The following IL17RE variants were observed in gnomAD, a reference collection of about 807,000 sequenced individuals.
IL17RE encodes interleukin 17 receptor E.
Under a neutral mutation model 70.7 loss-of-function variants are expected in IL17RE, and 47 were observed. The observed-to-expected ratio is 0.67, with a 90% CI of 0.53 to 0.85. IL17RE has a LOEUF of 0.85. Among genes scored for constraint, IL17RE ranks in the 40% least tolerant of loss-of-function variants. The pLI, the probability that IL17RE is intolerant of heterozygous loss-of-function variation, is 0.00. For missense variants in IL17RE, 850 were observed against 893.9 expected (o/e 0.95, Z 0.63); for synonymous variants, 372 against 381.2 (o/e 0.98, Z 0.28).
chr3:9,903,055 C>T lies in IL17RE; in HGVS notation c.123C>T (p.Ala41=). 6.2e-7 allele frequency: 1 copy of T among 1,613,922 alleles called. No homozygotes were observed. Among genetic ancestry groups the T allele is most frequent in the Non-Finnish European group, 8.5e-7 (1 of 1,179,790 alleles). The change falls in exon 1 of 16, where the codon GCC becomes GCT. Residue 41 remains alanine (A), a synonymous_variant. Coordinates refer to ENST00000383814, the MANE Select transcript of IL17RE (RefSeq NM_153480.2). ...ACTGGAACACCCGCTGTCCTCTGGC[C>T]TCCCACACGGTAAGGTGCTGCTGCC... is the stretch of plus-strand genomic sequence containing the variant. ...LPHWNTRCPL[A]SHTDDSFTGS... is the part of the protein sequence containing the mutation.
intron 2 of IL17RE, among the ~76,000 whole-genome samples, chr3:9,903,761 A>G (rs886235600): frequency 6.6e-6 from 1 of 152,206 alleles, no homozygotes; most frequent in African/African-American, 2.4e-5. Context: ...TCCTCCCCTT[A>G]ACTGATCCCT....
At chr3:9,904,779 C>T (rs2082713675) in intron 3 of IL17RE, among the ~76,000 whole-genome samples, 1 of 151,676 alleles carries the variant, frequency 6.6e-6, no homozygotes, top group South Asian at 2.1e-4. Context: ...AAGAGCAAAA[C>T]TCCATCTCCA....
intron 1 of IL17RE, 55 bp downstream of exon 1, chr3:9,903,119 C>T (rs954911767): frequency 1.3e-6 from 2 of 1,483,166 alleles, no homozygotes. Flanking sequence ...TAAAGCTCCC[C>T]ACTCCCCTGC....
Position 9,908,259 on chromosome 3 carries a change from C to T in IL17RE, c.687C>T (p.His229=). Residue 229 remains histidine (H), a synonymous_variant, in exon 7 of 16, where the codon CAC becomes CAT. Coordinates refer to ENST00000383814, the MANE Select transcript of IL17RE (RefSeq NM_153480.2). The stretch of plus-strand genomic sequence containing the variant: ...CACAGAAAATTGTGTCTGGGGGCCA[C>T]ACTGTAGAGCTGCCTTATGAATTCC... The part of the protein sequence containing the change: ...YDVQKIVSGG[H]TVELPYEFLL... 1.2e-6 allele frequency: 2 copies of T among 1,614,194 alleles called. No individual in the cohort carries two copies. The highest frequency in any genetic ancestry group is 8.5e-7 in the Non-Finnish European group (1 of 1,180,014).
At position 9,913,961 on chromosome 3, in the gene IL17RE, G is replaced by A; in HGVS notation, c.1233G>A (p.Arg411=). 1 of 1,614,006 alleles carries A rather than the reference G, an allele frequency of 6.2e-7. No homozygotes were observed. Among genetic ancestry groups the A allele is most frequent in the South Asian group, 1.1e-5 (1 of 91,072 alleles). ...TCTGCTCTTTGTTTCTACAGGCCCGGGGCTCAAGCCCAGTGTCACTAGACC... is the reference window on the plus strand; with the variant it reads ...TCTGCTCTTTGTTTCTACAGGCCCGAGGCTCAAGCCCAGTGTCACTAGACC... The part of the protein sequence containing the change: ...VPPVYTVSQA[R]GSSPVSLDLI... Residue 411 remains arginine, a synonymous_variant, in exon 13 of 16, where the codon CGG becomes CGA. Coordinates refer to ENST00000383814, the MANE Select transcript of IL17RE (RefSeq NM_153480.2).
Position 9,915,305 on chromosome 3 carries a change from A to G in IL17RE, c.1502A>G (p.Gln501Arg). Residue 501 changes from glutamine (Q) to arginine (R), a missense_variant, in exon 16 of 16, where the codon CAG becomes CGG. Gln to Arg is a conservative substitution (Grantham distance 43). Coordinates refer to ENST00000383814, the MANE Select transcript of IL17RE (RefSeq NM_153480.2). The surrounding 1 kb of genome is among the most constrained non-coding windows in gnomAD (Gnocchi z 4.9). ...LLLHAADSEA[Q>R]RRLVGALAEL... is the part of the protein sequence containing the mutation. ...CTGCACGCGGCGGACTCGGAGGCGCAGCGGCGCCTGGTGGGAGCGCTGGCT... is the reference window on the plus strand; with the variant it reads ...CTGCACGCGGCGGACTCGGAGGCGCGGCGGCGCCTGGTGGGAGCGCTGGCT... The G allele has an allele frequency of 7.2e-7, 1 of 1,395,540 alleles. No individual in the cohort carries two copies. The allele number at this position is 1,395,540 out of a possible 1,614,324, so 86.4% of individuals were successfully genotyped here.
At chr3:9,903,443 C>G in intron 2 of IL17RE, 31 bp downstream of exon 2, 1 of 1,613,104 alleles carries the variant, frequency 6.2e-7, no homozygotes. Flanking sequence ...CATTGCTCCT[C>G]CCCACGCCCA....
chr3:9,904,063 G>A lies in IL17RE; in HGVS notation c.180G>A (p.Trp60Ter). ...CTGCCTATATCCCTTGCCGCACCTG[G>A]TGGGCCCTCTTCTCCACAAAGCCTT... ...GSSAYIPCRT[W>*]WALFSTKPWC... is the part of the protein sequence containing the mutation. The change falls in exon 3 of 16, where the codon TGG becomes TGA. Residue 60 changes from tryptophan to a stop codon, truncating the protein, a stop_gained. Transcript: ENST00000383814. LOFTEE classifies it high-confidence loss of function. 1.2e-6 allele frequency: 2 copies of A among 1,614,120 alleles called. No individual in the cohort carries two copies. The highest frequency in any genetic ancestry group is 1.7e-6 in the Non-Finnish European group (2 of 1,180,018).
At chr3:9,911,791 T>TTTTTTTTC (rs1217656125) in intron 12 of IL17RE, 194 bp downstream of exon 12, 2 of 488,208 alleles carry the variant, frequency 4.1e-6, no homozygotes, top group Non-Finnish European at 7.1e-6. Flanking sequence ...GAGCATTTTC[T>TTTTTTTTC]TTTTTTTCTT....
At chr3:9,911,072 G>T in intron 9 of IL17RE, 32 bp downstream of exon 9, 1 of 1,614,070 alleles carries the variant, frequency 6.2e-7, no homozygotes, top group Non-Finnish European at 8.5e-7. Context: ...ACCAGGGTGG[G>T]CAGGGCTGGG....
chr3:9,914,211 G>C (rs560332794), intron 13 of IL17RE, among the ~76,000 whole-genome samples, 187 bp downstream of exon 13: 1 of 152,338 alleles, frequency 6.6e-6, no homozygotes, highest in African/African-American at 2.4e-5. Flanking sequence ...TGAAAAATCA[G>C]AAAAACCTAG....
rs1385981606 is a variant in IL17RE, at chr3:9,911,297, A to C, written c.1069A>C (p.Thr357Pro). 3 of 1,613,988 alleles carry C rather than the reference A, an allele frequency of 1.9e-6. No individual in the cohort carries two copies. Among genetic ancestry groups the C allele is most frequent in the Non-Finnish European group, 2.5e-6 (3 of 1,179,976 alleles). ...NSSHVECPHQ[T>P]GSLTSWNVSM... is the part of the protein sequence containing the mutation. ...CAGCCATGTTGAATGCCCCCACCAGACTGGTGAGTCAATAAGTGACCTCTG... is the reference window on the plus strand; with the variant it reads ...CAGCCATGTTGAATGCCCCCACCAGCCTGGTGAGTCAATAAGTGACCTCTG... Residue 357 changes from threonine (T) to proline (P), a missense_variant, in exon 11 of 16, where the codon ACT becomes CCT. Coordinates refer to ENST00000383814, the MANE Select transcript of IL17RE (RefSeq NM_153480.2).
At chr3:9,903,989 CT>C in intron 2 of IL17RE, 42 bp from the exon 3 acceptor site, 1 of 1,605,452 alleles carries the variant, frequency 6.2e-7, no homozygotes, top group Non-Finnish European at 8.5e-7. Context: ...TAGGAGGGAC[CT>C]TCTTAGACCC....
Position 9,911,436 on chromosome 3 carries a change from C to T in IL17RE, c.1073-7C>T. ...TCCTATCAACACCCCCACCCCGCCC[C>T]AAACAGGGTCTCTCACATCCTGGAA... On this transcript the variant is annotated splice_polypyrimidine_tract_variant and splice_region_variant and intron_variant, in intron 11 of 15. Coordinates refer to ENST00000383814, the MANE Select transcript of IL17RE (RefSeq NM_153480.2). 6.2e-7 allele frequency: 1 copy of T among 1,613,974 alleles called. No homozygotes were observed. Among genetic ancestry groups the T allele is most frequent in the South Asian group, 1.1e-5 (1 of 91,078 alleles).
At position 9,906,418 on chromosome 3, in the gene IL17RE, C is replaced by T; in HGVS notation, c.323C>T (p.Thr108Ile). The change falls in exon 4 of 16, where the codon ACA becomes ATA. Residue 108 changes from threonine (T) to isoleucine (I), a missense_variant. By Grantham distance (89) the Thr-to-Ile change is moderately conservative. Transcript: ENST00000383814. ...GTGCAGAAATCCAAAAAGTCTTCCA[C>T]ATTCAAGTTCTATAGGAGACACAAG... ...LLVQKSKKSS[T>I]FKFYRRHKMP... 2 of 1,614,048 alleles carry T rather than the reference C, an allele frequency of 1.2e-6. No homozygotes were observed. The highest frequency in any genetic ancestry group is 1.7e-6 in the Non-Finnish European group (2 of 1,179,938).
chr3:9,914,135 T>C (rs926878812), intron 13 of IL17RE, 111 bp downstream of exon 13: 6 of 879,596 alleles, frequency 6.8e-6, no homozygotes, highest in Non-Finnish European at 9.2e-6. Flanking sequence ...GCCAGCACAG[T>C]GTTTTAAATT....
At chr3:9,904,932 A>G (rs993007977) in intron 3 of IL17RE, among the ~76,000 whole-genome samples, 3 of 150,314 alleles carry the variant, frequency 2.0e-5, no homozygotes, top group African/African-American at 4.9e-5. Context: ...CATCTCTACA[A>G]AAAAATACAA....
In IL17RE at chr3:9,903,080, C is replaced by T; in HGVS notation, c.132+16C>T. ...CTCCCACACGGTAAGGTGCTGCTGC[C>T]AGGTAGGGACACCTGCCTGGCACAG... On this transcript the variant is annotated intron_variant, in intron 1 of 15. Transcript: ENST00000383814. 1.2e-6 allele frequency: 2 copies of T among 1,602,116 alleles called. No individual in the cohort carries two copies. The highest frequency in any genetic ancestry group is 1.7e-6 in the Non-Finnish European group (2 of 1,169,526).
chr3:9,906,254 A>C (rs1575481311), intron 3 of IL17RE, 110 bp from the exon 4 acceptor site: 1 of 439,406 alleles, frequency 2.3e-6, no homozygotes, highest in East Asian at 4.1e-5. Flanking sequence ...CCATATCAAA[A>C]TAAATAAATA....
Sources: allele counts gnomAD v4.1 joint callset (sites outside exome capture counted in the v4.1 genomes callset), GRCh38; gene constraint gnomAD v4.1.1; non-coding constraint Gnocchi (gnomAD v3.1); transcripts MANE v1.5; gene names NCBI Gene and HGNC (gene_info 2026-07-23, HGNC 2026-07-21).